The following NRXN1 variants were observed in gnomAD, a reference collection of about 807,000 sequenced individuals.
NRXN1 encodes the protein neurexin 1.
Under a neutral mutation model 150.9 loss-of-function variants are expected in NRXN1, and 39 were observed. That is an observed-to-expected ratio of 0.26 (90% CI 0.20 to 0.34). The LOEUF is 0.34. NRXN1 is among the 10% of genes least tolerant of loss of function. The pLI, the probability that NRXN1 is intolerant of heterozygous loss-of-function variation, is 1.00. For missense variants in NRXN1, 1,815 were observed against 1,949.9 expected (o/e 0.93, Z 1.30); for synonymous variants, 924 against 757.0 (o/e 1.22, Z -3.62).
At position 50,559,031 on chromosome 2, in the gene NRXN1, G is replaced by A. The variant is rs941261163; in HGVS notation, c.1321-6006C>T. ...TGGGAGGCAGACCTTGCAGTGAGCCGAGATCGCACCACTGCACTCCAGCCT... is the reference window on the plus strand; with the variant it reads ...TGGGAGGCAGACCTTGCAGTGAGCCAAGATCGCACCACTGCACTCCAGCCT... On this transcript the variant is annotated intron_variant, in intron 8 of 22. Transcript: ENST00000401669. Among the ~76,000 whole-genome samples the A allele has an allele frequency of 3.3e-5, 5 of 152,256 alleles. No individual in the cohort carries two copies. In the South Asian group the frequency reaches 8.3e-4, roughly 25 times the overall value.
chr2:50,438,020 T>C (rs1340943970), intron 17 of NRXN1, among the ~76,000 whole-genome samples: 2 of 152,318 alleles, frequency 1.3e-5, no homozygotes, highest in East Asian at 3.9e-4. Flanking sequence ...CACTGTGGCA[T>C]GTTCTAAGTT....
chr2:50,264,324 G>A (rs921418935), intron 17 of NRXN1, among the ~76,000 whole-genome samples: 6 of 151,982 alleles, frequency 3.9e-5, no homozygotes, highest in African/African-American at 1.2e-4. Flanking sequence ...TAGAACAGTC[G>A]CTAGGTCTCT....
chr2:50,500,331 T>C (rs940620722), intron 13 of NRXN1, among the ~76,000 whole-genome samples: 16 of 152,020 alleles, frequency 1.1e-4, no homozygotes, highest in African/African-American at 9.7e-5. Context: ...GAAGCAACTA[T>C]GGCCCAGTTA....
intron 18 of NRXN1, among the ~76,000 whole-genome samples, chr2:50,214,926 T>C (rs1320267063): frequency 6.6e-6 from 1 of 151,964 alleles, no homozygotes; most frequent in Non-Finnish European, 1.5e-5. Flanking sequence ...CAGGGTAAAA[T>C]AAAATATGTA....
intron 5 of NRXN1, among the ~76,000 whole-genome samples, chr2:50,834,765 G>C (rs955209640): frequency 6.6e-6 from 1 of 151,988 alleles, no homozygotes; most frequent in African/African-American, 2.4e-5. Context: ...TTCCTAAGCA[G>C]GGCCCAACCC....
chr2:50,387,635 T>C lies in NRXN1; in HGVS notation c.3364+77807A>G, dbSNP rs566841257. 6.9e-4 allele frequency among the ~76,000 whole-genome samples: 105 copies of C among 152,288 alleles called. 2 individuals are homozygous for C. The highest frequency in any genetic ancestry group is 6.8e-3 in the Admixed American group (104 of 15,282). ...TTCAGCTCAATTCAGTTAGTTGTGC[T>C]AAAGGCTAAAATTACAGGAACAGTA... On this transcript the variant is annotated intron_variant, in intron 17 of 22. Transcript: ENST00000401669.
At chr2:50,096,675 T>C (rs1700267139) in intron 18 of NRXN1, among the ~76,000 whole-genome samples, 1 of 152,220 alleles carries the variant, frequency 6.6e-6, no homozygotes, top group South Asian at 2.1e-4. Flanking sequence ...GCATTTATAA[T>C]TTAATGAAGA....
intron 19 of NRXN1, among the ~76,000 whole-genome samples, chr2:50,071,138 A>G (rs1424915496): frequency 6.6e-6 from 1 of 152,242 alleles, no homozygotes; most frequent in African/African-American, 2.4e-5. Flanking sequence ...AGGCTGTGTC[A>G]TATACAAGAA....
chr2:50,681,542 G>T (rs1056197512), intron 5 of NRXN1, among the ~76,000 whole-genome samples: 2 of 152,048 alleles, frequency 1.3e-5, no homozygotes, highest in African/African-American at 4.8e-5. Context: ...ATATAAAAGG[G>T]CTTGTAATTA....
intron 17 of NRXN1, among the ~76,000 whole-genome samples, chr2:50,362,184 C>T (rs370980644): frequency 1.4e-3 from 219 of 152,144 alleles, no homozygotes; most frequent in South Asian, 5.0e-3. Context: ...CTTTGAAAAC[C>T]GGCACAAGAC....
chr2:50,210,718 T>C (rs2152843492), intron 18 of NRXN1, among the ~76,000 whole-genome samples: 1 of 151,730 alleles, frequency 6.6e-6, no homozygotes, highest in African/African-American at 2.4e-5. Context: ...CCCTTTCTGC[T>C]GAATACATTT....
At chr2:50,381,522 A>AAC (rs59726557) in intron 17 of NRXN1, among the ~76,000 whole-genome samples, 14,201 of 128,420 alleles carry the variant, frequency 0.11, 849 homozygotes, top group Middle Eastern at 0.19. Context: ...CAGGCTTTTA[A>AAC]ACACACACAC....
intron 21 of NRXN1, among the ~76,000 whole-genome samples, chr2:50,045,591 C>A (rs1317013575): frequency 6.6e-6 from 1 of 152,080 alleles, no homozygotes. Context: ...ACAGGTGTAA[C>A]ACAAACATAG....
At chr2:50,788,231 C>T (rs1414434295) in intron 5 of NRXN1, among the ~76,000 whole-genome samples, 1 of 151,848 alleles carries the variant, frequency 6.6e-6, no homozygotes, top group East Asian at 1.9e-4. Context: ...GGACTACAGG[C>T]ACCCGCCACC....
chr2:50,352,456 C>T (rs1275266175), intron 17 of NRXN1, among the ~76,000 whole-genome samples: 1 of 151,948 alleles, frequency 6.6e-6, no homozygotes, highest in Non-Finnish European at 1.5e-5. Context: ...CTAAAATCAG[C>T]AGAGGGGAAA....
At chr2:50,768,896 GAACAAC>G (rs552891524) in intron 5 of NRXN1, among the ~76,000 whole-genome samples, 3 of 150,364 alleles carry the variant, frequency 2.0e-5, no homozygotes, top group East Asian at 2.0e-4. Context: ...CAACCACCAC[GAACAAC>G]AACAACAACA....
chr2:50,648,067 T>G (rs941764629), intron 5 of NRXN1, among the ~76,000 whole-genome samples: 9 of 152,062 alleles, frequency 5.9e-5, no homozygotes, highest in Non-Finnish European at 1.2e-4. Flanking sequence ...GTTAATAATA[T>G]TAAATAATTA....
chr2:50,731,612 T>A (rs1020501625), intron 5 of NRXN1, among the ~76,000 whole-genome samples: 2 of 152,266 alleles, frequency 1.3e-5, no homozygotes, highest in South Asian at 2.1e-4. Context: ...TGCATTAGCA[T>A]CACCATAAAT....
intron 2 of NRXN1, among the ~76,000 whole-genome samples, chr2:50,974,064 T>C (rs1260662148): frequency 6.6e-6 from 1 of 152,146 alleles, no homozygotes; most frequent in Non-Finnish European, 1.5e-5. Flanking sequence ...AAGTGCGTTC[T>C]ACTCTAAGTG....
Sources: gnomAD v4.1 joint callset for allele counts (sites outside exome capture counted in the v4.1 genomes callset) on GRCh38, gnomAD v4.1.1 for gene constraint, MANE v1.5 for transcripts, NCBI Gene and HGNC (gene_info 2026-07-23, HGNC 2026-07-21) for gene names.